The following ERG variants were observed in gnomAD, a reference collection of about 807,000 sequenced individuals.
ERG encodes transcriptional regulator ERG.
ERG carries 9 observed loss-of-function variants against 55.3 expected under a neutral mutation model. That is an observed-to-expected ratio of 0.16 (90% CI 0.10 to 0.28). The LOEUF (loss-of-function observed/expected upper bound fraction) is 0.28. Ranked by LOEUF, ERG falls within the 10% of genes least tolerant of loss-of-function variation. The pLI is 1.00. For synonymous variants in ERG, 223 were observed against 237.3 expected (o/e 0.94, Z 0.55); for missense variants, 434 against 631.6 (o/e 0.69, Z 3.35).
At chr21:38,429,385 A>G (rs1446488417) in intron 2 of ERG, among the ~76,000 whole-genome samples, 1 of 65,718 alleles carries the variant, frequency 1.5e-5, no homozygotes, top group African/African-American at 3.6e-5. Context: ...ATACATATAT[A>G]TGTACACATA....
chr21:38,572,717 C>T (rs1420674263), intron 2 of ERG, among the ~76,000 whole-genome samples: 1 of 152,158 alleles, frequency 6.6e-6, no homozygotes, highest in Non-Finnish European at 1.5e-5. Context: ...CACACAGAAG[C>T]CATGTGAGTT....
At chr21:38,547,561 G>A (rs1226316392) in intron 2 of ERG, among the ~76,000 whole-genome samples, 1 of 152,144 alleles carries the variant, frequency 6.6e-6, no homozygotes, top group East Asian at 1.9e-4. Flanking sequence ...CATTAAAGAG[G>A]GCGACTCGAT....
At chr21:38,413,854 G>A (rs1365595126) in intron 3 of ERG, among the ~76,000 whole-genome samples, 2 of 152,130 alleles carry the variant, frequency 1.3e-5, no homozygotes, top group East Asian at 3.9e-4. Context: ...CTCTTTAAAT[G>A]TTGCTATCCC....
chr21:38,502,807 A>G (rs1045329753), upstream of ERG, among the ~76,000 whole-genome samples: 1 of 151,268 alleles, frequency 6.6e-6, no homozygotes, highest in African/African-American at 2.4e-5. Context: ...GCTCACTGCA[A>G]GCTCCGCCTC....
intron 1 of ERG, among the ~76,000 whole-genome samples, chr21:38,609,309 A>G (rs964896343): frequency 6.6e-6 from 1 of 152,228 alleles, no homozygotes; most frequent in African/African-American, 2.4e-5. Context: ...CTGAAAATAC[A>G]TACTATTTTC....
At chr21:38,599,529 G>A (rs2060151832) in intron 1 of ERG, among the ~76,000 whole-genome samples, 1 of 152,186 alleles carries the variant, frequency 6.6e-6, no homozygotes, top group African/African-American at 2.4e-5. Context: ...CTGTCTTCCT[G>A]CTCCAACCCT....
intron 1 of ERG, among the ~76,000 whole-genome samples, chr21:38,484,829 A>T (rs546205368): frequency 9.2e-5 from 14 of 152,272 alleles, no homozygotes; most frequent in Non-Finnish European, 1.5e-4. Flanking sequence ...CATTTCTCAC[A>T]TGTTTTTGGT....
upstream of ERG, among the ~76,000 whole-genome samples, chr21:38,587,045 A>ACTGCATCAAATCTGCAGTATGCAGTAT (rs2060070081): frequency 6.6e-6 from 1 of 152,232 alleles, no homozygotes; most frequent in South Asian, 2.1e-4. Flanking sequence ...ACAGAAAGAC[A>ACTGCATCAAATCTGCAGTATGCAGTAT]CATACTGCAT....
At chr21:38,423,297 G>T in intron 3 of ERG, 113 bp downstream of exon 3, 1 of 1,155,270 alleles carries the variant, frequency 8.7e-7, no homozygotes, top group Non-Finnish European at 1.2e-6. Context: ...CCCTGCTCTG[G>T]ACAAAGGAGA....
intron 1 of ERG, among the ~76,000 whole-genome samples, chr21:38,577,532 A>C (rs11702580): frequency 0.06 from 9,191 of 152,116 alleles, 349 homozygotes; most frequent in Middle Eastern, 0.13. Flanking sequence ...CCTGAAATTG[A>C]ACCGGGAAGC....
rs1568942980 is a variant in ERG, at chr21:38,603,206, GCAGCTTA to G, written c.-149-18268_-149-18262del. Among the ~76,000 whole-genome samples, 26 of 152,090 alleles carry G rather than the reference GCAGCTTA, an allele frequency of 1.7e-4. 1 individual carries two copies. The highest frequency in any genetic ancestry group is 6.0e-4 in the African/African-American group (25 of 41,392). ...TCTGCCACATGAAGAGACCCGAAAC[GCAGCTTA>G]CATCCAGAGCAAGTCCTTTGTTAAT... On this transcript the variant is annotated intron_variant, in intron 1 of 10. Coordinates refer to the ERG transcript ENST00000398910.
At chr21:38,400,358 A>T (rs373112748) in intron 6 of ERG, 3 of 658,308 alleles carry the variant, frequency 4.6e-6, no homozygotes, top group South Asian at 3.0e-5. Flanking sequence ...AGCTAGTTAA[A>T]GGGCTAATCT....
intron 1 of ERG, among the ~76,000 whole-genome samples, chr21:38,596,809 G>C (rs1365026695): frequency 2.0e-5 from 3 of 152,198 alleles, no homozygotes. Context: ...GGCTGAGCTG[G>C]AAGTGGTTTA....
At chr21:38,642,640 T>G (rs1377143189) in intron 1 of ERG, among the ~76,000 whole-genome samples, 1 of 152,206 alleles carries the variant, frequency 6.6e-6, no homozygotes, top group Non-Finnish European at 1.5e-5. Context: ...CTTGCAACAC[T>G]GTTACACCCA....
chr21:38,561,404 C>T (rs1281491948), intron 2 of ERG, among the ~76,000 whole-genome samples: 1 of 151,314 alleles, frequency 6.6e-6, no homozygotes, highest in Admixed American at 6.6e-5. Flanking sequence ...CACCTGCAGG[C>T]TCTAGGTCAC....
At chr21:38,652,772 G>A (rs994395573) in intron 1 of ERG, among the ~76,000 whole-genome samples, 1 of 152,164 alleles carries the variant, frequency 6.6e-6, no homozygotes, top group African/African-American at 2.4e-5. Flanking sequence ...CTCCCTGCTC[G>A]GGAACATCTC....
chr21:38,439,915 G>A (rs1569101131), intron 2 of ERG, among the ~76,000 whole-genome samples: 3 of 152,280 alleles, frequency 2.0e-5, no homozygotes, highest in South Asian at 2.1e-4. Context: ...CGTGGGTACT[G>A]GATGGATAGG....
intron 2 of ERG, among the ~76,000 whole-genome samples, chr21:38,540,229 T>C (rs2059742861): frequency 6.6e-6 from 1 of 152,188 alleles, no homozygotes; most frequent in African/African-American, 2.4e-5. Flanking sequence ...TTTGGTTTCT[T>C]ATTGAGGTGA....
At chr21:38,391,919 A>T (rs886691661) in intron 7 of ERG, among the ~76,000 whole-genome samples, 5 of 151,980 alleles carry the variant, frequency 3.3e-5, no homozygotes, top group African/African-American at 1.2e-4. Flanking sequence ...ATTTCCAATT[A>T]TTTAAAAAAT....
Sources: allele counts gnomAD v4.1 joint callset (sites outside exome capture counted in the v4.1 genomes callset), GRCh38; gene constraint gnomAD v4.1.1; transcripts MANE v1.5; gene names NCBI Gene and HGNC (gene_info 2026-07-23, HGNC 2026-07-21).